GPI: variants seen among roughly 807,000 people sequenced by gnomAD.
GPI encodes the protein D-hexose-6-phosphate anomerase.
In GPI, 56 loss-of-function variants were observed where a neutral mutation model predicts 75.8. The ratio of observed to expected loss-of-function variants is 0.74; its 90% CI spans 0.60 to 0.92. The LOEUF (loss-of-function observed/expected upper bound fraction) is 0.92, where lower values mean the gene tolerates loss of function less well. Ranked by LOEUF, GPI falls within the 40% of genes least tolerant of loss-of-function variation. The probability of loss-of-function intolerance (pLI) is 0.00; values close to 1 mark genes in which losing one functional copy is unlikely to be tolerated. For synonymous variants in GPI, 288 were observed against 285.4 expected, an observed-to-expected ratio of 1.01 and a Z score of -0.09; for missense variants, 638 against 741.0, an observed-to-expected ratio of 0.86 and a Z score of 1.61.
chr19:34,368,492 A>G, intron 3 of GPI, 91 bp from the exon 4 acceptor site: 1 of 1,420,550 alleles, frequency 7.0e-7, no homozygotes, highest in South Asian at 1.2e-5. Flanking sequence ...TCTAGTGGAT[A>G]GAGGGCCGAG....
upstream of GPI, among the ~76,000 whole-genome samples, chr19:34,361,639 C>T (rs1241205308): frequency 6.6e-6 from 1 of 152,114 alleles, no homozygotes; most frequent in African/African-American, 2.4e-5. Flanking sequence ...CTCCCTGTAG[C>T]CACTGTGATT....
chr19:34,361,310 T>C (rs1400010232), upstream of GPI, among the ~76,000 whole-genome samples: 1 of 152,084 alleles, frequency 6.6e-6, no homozygotes, highest in Non-Finnish European at 1.5e-5. Flanking sequence ...CTCAGGCTGG[T>C]CTCGAACTCC....
Sources: gnomAD v4.1 joint callset for allele counts (sites outside exome capture counted in the v4.1 genomes callset) on GRCh38, gnomAD v4.1.1 for gene constraint, MANE v1.5 for transcripts, NCBI Gene and HGNC (gene_info 2026-07-23, HGNC 2026-07-21) for gene names.